Variants in ARFGAP1 observed in about 807,000 individuals in gnomAD.
The protein encoded by ARFGAP1 is ARF GTPase activating protein 1.
In ARFGAP1, 26 loss-of-function variants were observed where a neutral mutation model predicts 54.0. The ratio of observed to expected loss-of-function variants is 0.48; its 90% confidence interval spans 0.35 to 0.67. The LOEUF (loss-of-function observed/expected upper bound fraction) is 0.67, where lower values mean the gene tolerates loss of function less well. ARFGAP1 is among the 30% of genes least tolerant of loss of function. The pLI, the probability that ARFGAP1 is intolerant of heterozygous loss-of-function variation, is 0.00. For missense variants in ARFGAP1, 525 were observed against 535.8 expected (o/e 0.98, Z 0.20); for synonymous variants, 248 against 211.9 (o/e 1.17, Z -1.48).
At chr20:63,277,365 G>A in intron 5 of ARFGAP1, 60 bp downstream of exon 5, 2 of 1,413,310 alleles carry the variant, frequency 1.4e-6, no homozygotes, top group Non-Finnish European at 1.9e-6. Context: ...TTAGTAGATT[G>A]GGTTTCCCAC....
In ARFGAP1 at chr20:63,284,932, A is replaced by G. The variant is rs1271048328; in HGVS notation, c.774+10A>G. The G allele has an allele frequency of 6.2e-7, 1 of 1,613,148 alleles. No homozygotes were observed. The highest frequency in any genetic ancestry group is 2.2e-5 in the East Asian group (1 of 44,860). ...GCCTGCGCAGGAGAAGGTAACGGGCAGCTCCGGGTGGTTGTGCCTGGAGCC... is the reference window on the plus strand; with the variant it reads ...GCCTGCGCAGGAGAAGGTAACGGGCGGCTCCGGGTGGTTGTGCCTGGAGCC... On this transcript the variant is annotated intron_variant, in intron 10 of 12. Coordinates refer to ENST00000370283, the MANE Select transcript of ARFGAP1 (RefSeq NM_018209.4).
chr20:63,288,604 G>T lies in ARFGAP1; in HGVS notation c.*731G>T. On this transcript the variant is annotated 3_prime_UTR_variant, in exon 13 of 13. Coordinates refer to ENST00000370283, the MANE Select transcript of ARFGAP1 (RefSeq NM_018209.4). ...GGAACACCCTGGAAGAAAAAGGAGC[G>T]CAGGGTGGGCCCTCGGCCCTGATGC... is the stretch of plus-strand genomic sequence containing the variant. The T allele has an allele frequency of 2.3e-6, 1 of 440,614 alleles. No individual in the cohort carries two copies. Among genetic ancestry groups the T allele is most frequent in the South Asian group, 1.6e-5 (1 of 63,576 alleles). The allele number at this position is 440,614 out of a possible 1,614,324, so 27.3% of individuals were successfully genotyped here.
At chr20:63,275,904 G>A (rs949819917) in intron 2 of ARFGAP1, among the ~76,000 whole-genome samples, 187 bp from the exon 3 acceptor site, 2 of 152,122 alleles carry the variant, frequency 1.3e-5, no homozygotes, top group East Asian at 1.9e-4. Context: ...GGACAGGTCC[G>A]CCTCGTCTTC....
intron 11 of ARFGAP1, 144 bp from the exon 12 acceptor site, chr20:63,286,222 C>T (rs757005788): frequency 2.7e-5 from 42 of 1,547,540 alleles, no homozygotes; most frequent in South Asian, 1.1e-4. Flanking sequence ...TGTGTCTGTA[C>T]GTGTGTGCGA....
rs750957313 is a variant in ARFGAP1 at position 63,287,781 on chromosome 20, AACAGCGACG to A, written c.1130_1138del (p.Asn377_Gly380delinsSer). The A allele has an allele frequency of 3.2e-5, 52 of 1,607,580 alleles. No individual in the cohort carries two copies. The highest frequency in any genetic ancestry group is 4.2e-5 in the Non-Finnish European group (49 of 1,177,812). On this transcript the variant is annotated inframe_deletion, in exon 13 of 13. Transcript: ENST00000370283. ...CTCGGCCTCCACCAACAGGAACAGC[AACAGCGACG>A]GCGGGGAGGGCGGGGAGGGCACCAA...
chr20:63,287,111 G>A (rs1471661444), intron 12 of ARFGAP1, among the ~76,000 whole-genome samples: 1 of 152,264 alleles, frequency 6.6e-6, no homozygotes, highest in Non-Finnish European at 1.5e-5. Flanking sequence ...CAGACGCCAT[G>A]TCCCTTCTCT....
chr20:63,281,616 G>A (rs572566745), intron 8 of ARFGAP1, among the ~76,000 whole-genome samples: 2 of 152,294 alleles, frequency 1.3e-5, no homozygotes, highest in East Asian at 3.9e-4. Flanking sequence ...TGAAAGTGAG[G>A]GAGATGTGAG....
In ARFGAP1 at chr20:63,287,723, G is replaced by T. The variant is rs768735595; in HGVS notation, c.1071G>T (p.Glu357Asp). ...DSWTCADTSTERRSSDSWEVW... is the reference protein window; with the variant it reads ...DSWTCADTSTDRRSSDSWEVW... ...GGACGTGCGCGGACACCTCCACCGA[G>T]AGGAGGAGCTCGGACAGCTGGGAGG... Residue 357 changes from glutamate to aspartate, a missense_variant, in exon 13 of 13, where the codon GAG (glutamate) becomes GAT (aspartate). By Grantham distance (45) the Glu-to-Asp change is conservative. Transcript: ENST00000370283. 6.2e-7 allele frequency: 1 copy of T among 1,611,880 alleles called. No individual in the cohort carries two copies. Among genetic ancestry groups the T allele is most frequent in the Non-Finnish European group, 8.5e-7 (1 of 1,179,682 alleles).
Position 63,278,885 on chromosome 20 carries a change from C to T in ARFGAP1, c.531-14C>T, listed in dbSNP as rs773623585. 1.5e-5 allele frequency: 25 copies of T among 1,613,672 alleles called. No individual in the cohort carries two copies. Among genetic ancestry groups the T allele is most frequent in the South Asian group, 5.5e-5 (5 of 91,066 alleles). On this transcript the variant is annotated splice_polypyrimidine_tract_variant and intron_variant, in intron 6 of 12. Transcript: ENST00000370283. ...ATGCCAGCATCTTCGGCCTCTTGTCCGCTTTGTTTTCAGGGCCCAGGGGAA... is the reference window on the plus strand; with the variant it reads ...ATGCCAGCATCTTCGGCCTCTTGTCTGCTTTGTTTTCAGGGCCCAGGGGAA...
chr20:63,280,500 T>C (rs545547710), intron 7 of ARFGAP1, among the ~76,000 whole-genome samples: 1 of 152,336 alleles, frequency 6.6e-6, no homozygotes, highest in East Asian at 1.9e-4. Flanking sequence ...ATCTTCAAAG[T>C]CTGTTAACTG....
rs929513294 is a variant in ARFGAP1, at chr20:63,286,295, G to A, written c.835-71G>A. On this transcript the variant is annotated intron_variant, in intron 11 of 12. Transcript: ENST00000370283. ...AGCGGGACGGCGCGTGCCGGCTTGC[G>A]TGTGGGGGCCTCCTGAAGCTGCCTG... 129 of 1,600,528 alleles carry A rather than the reference G, an allele frequency of 8.1e-5. No individual in the cohort carries two copies. In the Middle Eastern group the frequency reaches 8.3e-4, roughly 10 times the overall value.
At position 63,278,935 on chromosome 20, in the gene ARFGAP1, G is replaced by A. The variant is rs755280290; in HGVS notation, c.567G>A (p.Thr189=). 6.8e-6 allele frequency: 11 copies of A among 1,614,004 alleles called. No homozygotes were observed. The highest frequency in any genetic ancestry group is 4.5e-5 in the East Asian group (2 of 44,892). ...QGNRYVGFGN[T]PPPQKKEDDF... is the part of the protein sequence containing the mutation. The stretch of plus-strand genomic sequence containing the variant: ...ATCGCTACGTGGGGTTTGGGAACAC[G>A]CCACCGCCTCAGAAGAAAGAAGATG... The change falls in exon 7 of 13, where the codon ACG becomes ACA. Residue 189 remains threonine (T), a synonymous_variant. Coordinates refer to ENST00000370283, the MANE Select transcript of ARFGAP1 (RefSeq NM_018209.4).
chr20:63,286,198 G>A, intron 11 of ARFGAP1, 168 bp from the exon 12 acceptor site: 2 of 1,549,410 alleles, frequency 1.3e-6, no homozygotes, highest in Middle Eastern at 1.7e-4. Context: ...CCGCTGCAGA[G>A]TGGCCGGGGC....
At position 63,276,696 on chromosome 20, in the gene ARFGAP1, C is replaced by T. The variant is rs2123219935; in HGVS notation, c.342+45C>T. ...ACTCTTGCCCATGGTGTGGGGCTGC[C>T]CTGCCGTTTGTGGCAGCTGGACTGT... On this transcript the variant is annotated intron_variant, in intron 4 of 12. Coordinates refer to ENST00000370283, the MANE Select transcript of ARFGAP1 (RefSeq NM_018209.4). The surrounding 1 kb of genome is among the most constrained non-coding windows in gnomAD (Gnocchi z 5.2). The T allele has an allele frequency of 6.4e-7, 1 of 1,552,516 alleles. No homozygotes were observed. Among genetic ancestry groups the T allele is most frequent in the East Asian group, 2.3e-5 (1 of 44,162 alleles).
At position 63,285,662 on chromosome 20, in the gene ARFGAP1, G is replaced by C; in HGVS notation, c.783G>C (p.Glu261Asp). 1 of 1,613,698 alleles carries C rather than the reference G, an allele frequency of 6.2e-7. No individual in the cohort carries two copies. Among genetic ancestry groups the C allele is most frequent in the Non-Finnish European group, 8.5e-7 (1 of 1,180,010 alleles). The change falls in exon 11 of 13, where the codon GAG becomes GAC. Residue 261 changes from glutamate (E) to aspartate (D), a missense_variant. By Grantham distance (45) the Glu-to-Asp change is conservative. Transcript: ENST00000370283. ...VLKPAQEKVK[E>D]GKIFDDVSSG... Reference sequence around the variant, plus strand: ...TGTCTTCATCCGTGCAGGTGAAGGAGGGAAAGATTTTTGATGATGTCTCCA... The same window carrying C: ...TGTCTTCATCCGTGCAGGTGAAGGACGGAAAGATTTTTGATGATGTCTCCA...
In ARFGAP1 at chr20:63,287,569, C is replaced by G. The variant is rs369195697; in HGVS notation, c.917C>G (p.Ser306Trp). The stretch of plus-strand genomic sequence containing the variant: ...CCCTTCTGTCTCTTTAAAAGCCCCT[C>G]GGAGGGCCACAGTTATCAGAACAGC... ...GKAEGPLDSP[S>W]EGHSYQNSGL... Residue 306 changes from serine to tryptophan, a missense_variant, in exon 13 of 13, where the codon TCG becomes TGG. Physicochemically the swap from Ser to Trp is radical, Grantham distance 177 (BLOSUM62 -3). Around this residue, in one of 3 missense-constraint regions of ARFGAP1, gnomAD observed 466 missense variants for 453.6 expected, o/e 1.03. Coordinates refer to ENST00000370283, the MANE Select transcript of ARFGAP1 (RefSeq NM_018209.4). 5 of 1,585,484 alleles carry G rather than the reference C, an allele frequency of 3.2e-6. No individual in the cohort carries two copies. In the African/African-American group the frequency reaches 6.8e-5, roughly 21 times the overall value.
intron 9 of ARFGAP1, chr20:63,284,296 T>G: frequency 9.2e-7 from 1 of 1,083,298 alleles, no homozygotes; most frequent in Non-Finnish European, 1.1e-6. Context: ...GTTCTTCCCT[T>G]TCCGGCCTTT....
intron 9 of ARFGAP1, chr20:63,283,249 C>T (rs1408222466): frequency 2.3e-5 from 6 of 259,206 alleles, no homozygotes; most frequent in Non-Finnish European, 3.7e-5. Flanking sequence ...TTCGAGGCAA[C>T]GGAGCGTCTC....
chr20:63,278,884 C>A lies in ARFGAP1; in HGVS notation c.531-15C>A. ...CATGCCAGCATCTTCGGCCTCTTGT[C>A]CGCTTTGTTTTCAGGGCCCAGGGGA... On this transcript the variant is annotated splice_polypyrimidine_tract_variant and intron_variant, in intron 6 of 12. Transcript: ENST00000370283. 6.2e-7 allele frequency: 1 copy of A among 1,613,854 alleles called. No individual in the cohort carries two copies. Among genetic ancestry groups the A allele is most frequent in the Non-Finnish European group, 8.5e-7 (1 of 1,179,752 alleles).
Sources: allele counts gnomAD v4.1 joint callset (sites outside exome capture counted in the v4.1 genomes callset), GRCh38; gene constraint gnomAD v4.1.1; regional missense constraint gnomAD v4.1.1; non-coding constraint Gnocchi (gnomAD v3.1); transcripts MANE v1.5; gene names NCBI Gene and HGNC (gene_info 2026-07-23, HGNC 2026-07-21).